Variants in MORN1 observed in about 807,000 individuals in gnomAD.
MORN1 encodes MORN repeat containing 1, also known as MORN repeat-containing protein 1.
Under a neutral mutation model 61.9 loss-of-function variants are expected in MORN1, and 67 were observed. The ratio of observed to expected loss-of-function variants is 1.08; its 90% confidence interval spans 0.89 to 1.33. MORN1 has a LOEUF of 1.33. Ranked by LOEUF, MORN1 falls within the 40% of genes most tolerant of loss-of-function variation. MORN1 has a pLI of 0.00. For synonymous variants in MORN1, 301 were observed against 292.0 expected, an observed-to-expected ratio of 1.03 and a Z score of -0.31; for missense variants, 752 against 691.2, an observed-to-expected ratio of 1.09 and a Z score of -0.99.
At chr1:2,324,278 C>T (rs1197306213) in intron 12 of MORN1, 135 bp from the exon 13 acceptor site, 2 of 860,642 alleles carry the variant, frequency 2.3e-6, no homozygotes, top group Non-Finnish European at 3.6e-6. Context: ...GCGAACCCCA[C>T]CTCGGGGCCA....
At chr1:2,373,753 C>T (rs989998276) in intron 7 of MORN1, among the ~76,000 whole-genome samples, 4 of 152,230 alleles carry the variant, frequency 2.6e-5, no homozygotes, top group Non-Finnish European at 5.9e-5. Flanking sequence ...TCAGCCTCCA[C>T]GAGGAGCCCG....
chr1:2,387,553 G>A (rs2100376491), intron 3 of MORN1, 24 bp from the exon 4 acceptor site: 2 of 1,555,522 alleles, frequency 1.3e-6, no homozygotes, highest in East Asian at 2.2e-5. Flanking sequence ...AGGAGGAGGG[G>A]AGACAGGAGG....
At chr1:2,341,360 G>A (rs915563660) in intron 10 of MORN1, among the ~76,000 whole-genome samples, 1 of 151,480 alleles carries the variant, frequency 6.6e-6, no homozygotes, top group Admixed American at 6.6e-5. Context: ...TCATGCCCCC[G>A]TCTGCAAACT....
chr1:2,390,637 T>C, intron 1 of MORN1: 3 of 985,418 alleles, frequency 3.0e-6, no homozygotes, highest in Non-Finnish European at 3.6e-6. Flanking sequence ...TACTACAGGC[T>C]ACTGTATCTG....
intron 2 of MORN1, among the ~76,000 whole-genome samples, chr1:2,388,775 C>CAAAAA (rs57362688): frequency 4.6e-5 from 3 of 64,570 alleles, no homozygotes; most frequent in Admixed American, 2.0e-4. Context: ...AAGACTGTCT[C>CAAAAA]AAAAAAAAAA....
chr1:2,322,694 A>G, intron 13 of MORN1: 2 of 985,438 alleles, frequency 2.0e-6, no homozygotes, highest in Non-Finnish European at 2.4e-6. Flanking sequence ...GCAACGCCAC[A>G]GTGTTTCCAA....
In MORN1 at chr1:2,371,262, G is replaced by C. The variant is rs376448776; in HGVS notation, c.745+1219C>G. The C allele has an allele frequency of 2.0e-5, 3 of 152,096 alleles. 1 individual carries two copies. The highest frequency in any genetic ancestry group is 7.2e-5 in the African/African-American group (3 of 41,450). The allele number at this position is 152,096 out of a possible 1,614,324, so 9.4% of individuals were successfully genotyped here. A position where few individuals can be genotyped will look rare whatever the true frequency, so the allele number is the denominator to read the frequency against. ...CAACACCAAGAAGAAAGATCTCCTG[G>C]GCTCTAGTGATCCTCGCACCTCAGC... is the stretch of plus-strand genomic sequence containing the variant. On this transcript the variant is annotated intron_variant, in intron 8 of 13. Transcript: ENST00000378531.
Position 2,391,522 on chromosome 1 carries a change from C to A in MORN1, c.12G>T (p.Ala4=), listed in dbSNP as rs1313715736. Residue 4 remains alanine (A), a synonymous_variant, in exon 1 of 14, where the codon GCG becomes GCT. Transcript: ENST00000378531. The part of the protein sequence containing the change: MAA[A]GEGTPSSRGP... The stretch of plus-strand genomic sequence containing the variant: ...CGCGGGAGCTCGGGGTGCCCTCGCC[C>A]GCCGCTGCCATCTTGCCGCCGAGGG... The A allele has an allele frequency of 1.6e-6, 2 of 1,252,012 alleles. No individual in the cohort carries two copies. Among genetic ancestry groups the A allele is most frequent in the Non-Finnish European group, 1.0e-6 (1 of 991,534 alleles). The allele number at this position is 1,252,012 out of a possible 1,614,324, so 77.6% of individuals were successfully genotyped here. A position where few individuals can be genotyped will look rare whatever the true frequency, so the allele number is the denominator to read the frequency against.
At position 2,372,666 on chromosome 1, in the gene MORN1, G is replaced by A; in HGVS notation, c.635-75C>T. 8.5e-7 allele frequency: 1 copy of A among 1,170,716 alleles called. No individual in the cohort carries two copies. Among genetic ancestry groups the A allele is most frequent in the Non-Finnish European group, 1.2e-6 (1 of 811,880 alleles). The allele number at this position is 1,170,716 out of a possible 1,614,324, so 72.5% of individuals were successfully genotyped here. On this transcript the variant is annotated intron_variant, in intron 7 of 13. Transcript: ENST00000378531. This position sits in a 1 kb window ranked among gnomAD's most constrained non-coding sequence, Gnocchi z 5.4. ...CCCACCCCATGGCTGAGTCAGCAGT[G>A]GGCACCCCAGGAACCGACCAGAGCC...
At chr1:2,343,489 G>T (rs1408012989) in intron 10 of MORN1, among the ~76,000 whole-genome samples, 1 of 152,184 alleles carries the variant, frequency 6.6e-6, no homozygotes, top group East Asian at 1.9e-4. Context: ...TCCTCTGGGG[G>T]TGCTGTGCTG....
intron 7 of MORN1, among the ~76,000 whole-genome samples, chr1:2,373,810 C>T (rs1209462111): frequency 6.6e-6 from 1 of 152,194 alleles, no homozygotes; most frequent in Non-Finnish European, 1.5e-5. Flanking sequence ...TCACCCGTCA[C>T]CCCTGTGACC....
rs1198130241 is a variant in MORN1 at position 2,337,397 on chromosome 1, C to G, written c.1037-547G>C. 6.6e-6 allele frequency among the ~76,000 whole-genome samples: 1 copy of G among 152,178 alleles called. No homozygotes were observed. Among genetic ancestry groups the G allele is most frequent in the Non-Finnish European group, 1.5e-5 (1 of 68,008 alleles). On this transcript the variant is annotated intron_variant, in intron 10 of 13. Coordinates refer to ENST00000378531, the MANE Select transcript of MORN1 (RefSeq NM_024848.3). The surrounding 1 kb of genome is among the most constrained non-coding windows in gnomAD (Gnocchi z 5.7). ...CACGTGGCGGCAGACCCCAGGTCCT[C>G]GGGCATCAGAGGCGGGTGTGGGCGG...
At chr1:2,348,731 G>GCACGCACACA (rs1641578249) in intron 10 of MORN1, among the ~76,000 whole-genome samples, 6 of 13,140 alleles carry the variant, frequency 4.6e-4, no homozygotes, top group African/African-American at 1.9e-3. Context: ...GCACGCACAC[G>GCACGCACACA]CACACCTGCG....
intron 8 of MORN1, among the ~76,000 whole-genome samples, chr1:2,365,324 T>C (rs1010900142): frequency 6.1e-4 from 89 of 145,986 alleles, no homozygotes; most frequent in Non-Finnish European, 1.1e-3. Flanking sequence ...TTTGAAGCAA[T>C]TGTGAATGGG....
intron 13 of MORN1, chr1:2,322,956 G>T (rs375674199): frequency 7.5e-5 from 74 of 985,448 alleles, no homozygotes; most frequent in Middle Eastern, 5.2e-4. Context: ...CTCACTTAGG[G>T]CCTCGGCCAT....
Position 2,335,828 on chromosome 1 carries a change from T to C in MORN1, c.1250+641A>G, listed in dbSNP as rs974748814. Among the ~76,000 whole-genome samples the C allele has an allele frequency of 1.0e-4, 15 of 143,114 alleles. 1 individual carries two copies. Among genetic ancestry groups the C allele is most frequent in the African/African-American group, 3.9e-4 (13 of 32,930 alleles). 93.9% of individuals were successfully genotyped at this position (143,114 alleles called of 152,430 possible). A position where few individuals can be genotyped will look rare whatever the true frequency, so the allele number is the denominator to read the frequency against. On this transcript the variant is annotated intron_variant, in intron 12 of 13. Transcript: ENST00000378531. Reference sequence around the variant, plus strand: ...ATCAGCGGGGGCCTCCTCGCCTCCATAGCCCAGCCCAGCCCAGCGCGCAGC... The same window carrying C: ...ATCAGCGGGGGCCTCCTCGCCTCCACAGCCCAGCCCAGCCCAGCGCGCAGC...
intron 12 of MORN1, among the ~76,000 whole-genome samples, chr1:2,336,124 C>T (rs1641269983): frequency 6.6e-6 from 1 of 152,360 alleles, no homozygotes; most frequent in South Asian, 2.1e-4. Flanking sequence ...ACCCTGGCCA[C>T]CAGCCGTCTT....
At chr1:2,386,063 C>T (rs757835214) in intron 4 of MORN1, 166 bp from the exon 5 acceptor site, 138 of 628,082 alleles carry the variant, frequency 2.2e-4, no homozygotes, top group Non-Finnish European at 3.4e-4. Flanking sequence ...GACCTGGCTA[C>T]ACAGAGGCCT....
intron 12 of MORN1, among the ~76,000 whole-genome samples, chr1:2,327,943 C>T (rs1347436145): frequency 4.6e-5 from 7 of 152,246 alleles, no homozygotes; most frequent in African/African-American, 9.6e-5. Context: ...CCAGATGCTC[C>T]GAGAAGCCAA....
Sources: allele counts gnomAD v4.1 joint callset (sites outside exome capture counted in the v4.1 genomes callset), GRCh38; gene constraint gnomAD v4.1.1; non-coding constraint Gnocchi (gnomAD v3.1); transcripts MANE v1.5; gene names NCBI Gene and HGNC (gene_info 2026-07-23, HGNC 2026-07-21).